CHIC2: variants seen among roughly 807,000 people sequenced by gnomAD.
The protein encoded by CHIC2 is cysteine rich hydrophobic domain 2.
Under a neutral mutation model 25.9 loss-of-function variants are expected in CHIC2, and 14 were observed. The ratio of observed to expected loss-of-function variants is 0.54; its 90% CI spans 0.36 to 0.85. The LOEUF (loss-of-function observed/expected upper bound fraction) is 0.85, where lower values mean the gene tolerates loss of function less well. Among genes scored for constraint, CHIC2 ranks in the 40% least tolerant of loss-of-function variants. The probability of loss-of-function intolerance (pLI) is 0.01; values close to 1 mark genes in which losing one functional copy is unlikely to be tolerated. For synonymous variants in CHIC2, 70 were observed against 72.0 expected (o/e 0.97, Z 0.14); for missense variants, 146 against 202.0 (o/e 0.72, Z 1.68).
At chr4:54,077,839 G>C in the CHIC2 span, among the ~76,000 whole-genome samples, 1 of 152,210 alleles carries the variant, frequency 6.6e-6, no homozygotes, top group African/African-American at 2.4e-5. Context: ...CGTATCACTT[G>C]AGCAGGTGAG....
the CHIC2 span, among the ~76,000 whole-genome samples, chr4:54,086,008 G>T: frequency 2.0e-5 from 3 of 151,912 alleles, no homozygotes; most frequent in South Asian, 6.2e-4. Context: ...GGACATAACT[G>T]GTTAGAGTCT....
intron 5 of CHIC2, among the ~76,000 whole-genome samples, chr4:54,010,875 C>A (rs1319639204): frequency 6.6e-6 from 1 of 151,890 alleles, no homozygotes; most frequent in Non-Finnish European, 1.5e-5. Flanking sequence ...TTAAAAAGTC[C>A]ATTTCTTCTT....
intron 3 of CHIC2, among the ~76,000 whole-genome samples, chr4:54,032,418 G>A (rs181861004): frequency 0.01 from 1,525 of 151,984 alleles, 17 homozygotes; most frequent in Non-Finnish European, 0.014. Flanking sequence ...GGTGCGCGCC[G>A]CCACGCCTGA....
chr4:54,078,116 T>C, the CHIC2 span, among the ~76,000 whole-genome samples: 6 of 152,342 alleles, frequency 3.9e-5, no homozygotes, highest in African/African-American at 1.4e-4. Context: ...ATTCTATAAT[T>C]AGTGCTTACT....
chr4:54,049,173 A>G, intron 2 of CHIC2, 63 bp from the exon 3 acceptor site: 2 of 1,565,996 alleles, frequency 1.3e-6, no homozygotes, highest in Non-Finnish European at 1.7e-6. Context: ...ATGACTGATG[A>G]GCATACTTTT....
chr4:54,079,003 G>A, the CHIC2 span, among the ~76,000 whole-genome samples: 2 of 151,460 alleles, frequency 1.3e-5, no homozygotes, highest in African/African-American at 2.4e-5. Flanking sequence ...GATCACTTGA[G>A]GTCAGGAGTT....
chr4:54,049,844 T>C (rs1030729950), intron 1 of CHIC2, among the ~76,000 whole-genome samples: 2 of 152,148 alleles, frequency 1.3e-5, no homozygotes, highest in South Asian at 2.1e-4. Context: ...TTAGGTTCCA[T>C]TGAACACCTA....
chr4:54,091,847 G>C, the CHIC2 span, among the ~76,000 whole-genome samples: 1 of 152,250 alleles, frequency 6.6e-6, no homozygotes. Context: ...CCTCGCCTTC[G>C]CTCTTTACAC....
chr4:54,066,943 G>C (rs1307041783), upstream of CHIC2, among the ~76,000 whole-genome samples: 1 of 152,230 alleles, frequency 6.6e-6, no homozygotes, highest in Non-Finnish European at 1.5e-5. Context: ...GTGCCCCAAA[G>C]TATCTAAATC....
chr4:54,017,552 C>T (rs1715772098), intron 3 of CHIC2, among the ~76,000 whole-genome samples: 1 of 152,108 alleles, frequency 6.6e-6, no homozygotes, highest in African/African-American at 2.4e-5. Flanking sequence ...CTGCTCACAC[C>T]CTGGGGGTGA....
At chr4:54,028,608 A>C (rs1188200306) in intron 3 of CHIC2, among the ~76,000 whole-genome samples, 11 of 152,372 alleles carry the variant, frequency 7.2e-5, no homozygotes, top group African/African-American at 2.6e-4. Context: ...TGAAGATTAA[A>C]TTAAAAGAGA....
chr4:54,067,179 G>A (rs971218495), upstream of CHIC2, among the ~76,000 whole-genome samples: 2 of 152,204 alleles, frequency 1.3e-5, no homozygotes, highest in Non-Finnish European at 2.9e-5. Context: ...TGGGAGAAAT[G>A]TTCTTATTCT....
At chr4:54,065,698 G>A (rs1717502443), upstream of CHIC2, among the ~76,000 whole-genome samples, 1 of 152,150 alleles carries the variant, frequency 6.6e-6, no homozygotes, top group South Asian at 2.1e-4. Context: ...GATACACCAT[G>A]GGAGAAGAAA....
At chr4:54,037,292 G>A (rs1716418941) in intron 3 of CHIC2, among the ~76,000 whole-genome samples, 1 of 152,076 alleles carries the variant, frequency 6.6e-6, no homozygotes, top group African/African-American at 2.4e-5. Context: ...TGGGAAGGCT[G>A]TAGTGAGCCA....
chr4:54,012,365 G>T (rs1312645499), intron 5 of CHIC2, among the ~76,000 whole-genome samples: 1 of 152,002 alleles, frequency 6.6e-6, no homozygotes, highest in East Asian at 1.9e-4. Context: ...AAAATTCAAG[G>T]AAACTTATTT....
chr4:54,085,334 C>T, the CHIC2 span, among the ~76,000 whole-genome samples: 9 of 152,084 alleles, frequency 5.9e-5, no homozygotes, highest in African/African-American at 9.7e-5. Context: ...CCAATGATCT[C>T]GTAGGGGGAT....
At chr4:54,044,490 A>G (rs1291264349) in intron 3 of CHIC2, among the ~76,000 whole-genome samples, 1 of 152,236 alleles carries the variant, frequency 6.6e-6, no homozygotes, top group Non-Finnish European at 1.5e-5. Context: ...AGGATTAAGA[A>G]ACTCACTCAA....
intron 1 of CHIC2, among the ~76,000 whole-genome samples, chr4:54,055,618 G>A (rs767420890): frequency 6.6e-6 from 1 of 152,080 alleles, no homozygotes; most frequent in Non-Finnish European, 1.5e-5. Context: ...CAAGACCTAT[G>A]AGCATATGAA....
At position 54,024,887 on chromosome 4, in the gene CHIC2, A is replaced by C. The variant is rs187210498; in HGVS notation, c.331-10768T>G. ...AGGCCATCACCAATCATTCTATATG[A>C]CAAATGTTTCTTCTAACAACCCCAC... On this transcript the variant is annotated intron_variant, in intron 3 of 5. Coordinates refer to ENST00000263921, the MANE Select transcript of CHIC2 (RefSeq NM_012110.4). Among the ~76,000 whole-genome samples, 189 of 152,252 alleles carry C rather than the reference A, an allele frequency of 1.2e-3. 1 individual carries two copies. Among genetic ancestry groups the C allele is most frequent in the African/African-American group, 4.3e-3 (177 of 41,526 alleles).
Sources: allele counts gnomAD v4.1 joint callset (sites outside exome capture counted in the v4.1 genomes callset), GRCh38; gene constraint gnomAD v4.1.1; transcripts MANE v1.5; gene names NCBI Gene and HGNC (gene_info 2026-07-23, HGNC 2026-07-21).